YTHDF3: variants seen among roughly 807,000 people sequenced by gnomAD.
The protein encoded by YTHDF3 is YTH domain-containing family protein 3.
In YTHDF3, 9 loss-of-function variants were observed where a neutral mutation model predicts 52.5. That is an observed-to-expected ratio of 0.17 (90% confidence interval 0.10 to 0.30). YTHDF3 has a LOEUF of 0.30. Ranked by LOEUF, YTHDF3 falls within the 10% of genes least tolerant of loss-of-function variation. The pLI is 1.00. For synonymous variants in YTHDF3, 274 were observed against 243.3 expected, an observed-to-expected ratio of 1.13 and a Z score of -1.18; for missense variants, 534 against 715.0, an observed-to-expected ratio of 0.75 and a Z score of 2.89.
intron 3 of YTHDF3, chr8:63,175,698 A>G (rs1585741097): frequency 4.4e-6 from 1 of 229,054 alleles, no homozygotes; most frequent in African/African-American, 2.2e-5. Flanking sequence ...GTGTGTGTGT[A>G]TTGAAGGAAC....
At chr8:63,170,975 C>T (rs530272820) in intron 2 of YTHDF3, among the ~76,000 whole-genome samples, 51 of 152,174 alleles carry the variant, frequency 3.4e-4, no homozygotes, top group Non-Finnish European at 4.1e-4. Context: ...CTATAAACTG[C>T]ATAATACATC....
intron 4 of YTHDF3, chr8:63,189,188 C>A (rs1254585726): frequency 6.6e-6 from 1 of 152,066 alleles, no homozygotes; most frequent in Non-Finnish European, 1.5e-5. Context: ...ATTATATTGG[C>A]CAGAATATTT....
intron 2 of YTHDF3, among the ~76,000 whole-genome samples, chr8:63,173,206 A>ATATAGATATATATATATATATATATATC (rs1554533380): frequency 2.8e-5 from 4 of 145,390 alleles, no homozygotes; most frequent in African/African-American, 1.1e-4. Context: ...TTATATTTAT[A>ATATAGATATATATATATATATATATATC]TATATATACA....
rs1048559856 is a variant in YTHDF3 at position 63,188,340 on chromosome 8, A to T, written c.1734+595A>T. The stretch of plus-strand genomic sequence containing the variant: ...TTATTTATATTTTATATATTATTTA[A>T]TTTTTTTTCAGACAGGGTCTCTCTT... On this transcript the variant is annotated intron_variant, in intron 4 of 4. Transcript: ENST00000539294. 1.3e-4 allele frequency among the ~76,000 whole-genome samples: 19 copies of T among 150,946 alleles called. No homozygotes were observed. In the East Asian group the frequency reaches 3.1e-3, roughly 25 times the overall value.
At chr8:63,185,898 A>AT (rs1419568978) in intron 3 of YTHDF3, among the ~76,000 whole-genome samples, 1 of 152,200 alleles carries the variant, frequency 6.6e-6, no homozygotes. Flanking sequence ...AATACTCATT[A>AT]TACCCCCACT....
intron 4 of YTHDF3, 37 bp downstream of exon 4, chr8:63,187,782 AT>A: frequency 6.5e-7 from 1 of 1,536,980 alleles, no homozygotes; most frequent in South Asian, 1.3e-5. Flanking sequence ...GGGTCTTTGT[AT>A]TGCTGGTGGG....
At chr8:63,206,651 C>T (rs932810315) in intron 4 of YTHDF3, among the ~76,000 whole-genome samples, 1 of 152,108 alleles carries the variant, frequency 6.6e-6, no homozygotes, top group South Asian at 2.1e-4. Flanking sequence ...GGCATATTAG[C>T]ATGATTAACA....
At chr8:63,169,507 G>A in intron 2 of YTHDF3, 96 bp downstream of exon 2, 1 of 1,336,672 alleles carries the variant, frequency 7.5e-7, no homozygotes, top group Non-Finnish European at 1.0e-6. Context: ...GCTCCCTCTT[G>A]GGAAAAAATG....
Position 63,209,860 on chromosome 8 carries a change from C to T in YTHDF3, c.*154C>T. The T allele has an allele frequency of 1.4e-6, 1 of 697,726 alleles. No homozygotes were observed. The highest frequency in any genetic ancestry group is 2.3e-6 in the Non-Finnish European group (1 of 430,338). 43.2% of individuals were successfully genotyped at this position (697,726 alleles called of 1,614,324 possible). ...AGTTGACTCTTCTCGTAATGGTTTT[C>T]ATCAGCGCATCTGCCCTTATACTCT... On this transcript the variant is annotated 3_prime_UTR_variant, in exon 5 of 5. Transcript: ENST00000539294.
Position 63,208,573 on chromosome 8 carries a change from G to A in YTHDF3, c.1735-1110G>A, listed in dbSNP as rs1432204401. Among the ~76,000 whole-genome samples, 5 of 152,268 alleles carry A rather than the reference G, an allele frequency of 3.3e-5. No individual in the cohort carries two copies. In the East Asian group the frequency reaches 9.7e-4, roughly 29 times the overall value. ...CGTCAGACCTCTGGGGCCCAGACAT[G>A]CCATCCAGGTAGGTGACTCTGATAC... On this transcript the variant is annotated intron_variant, in intron 4 of 4. Transcript: ENST00000539294.
At chr8:63,192,166 G>A (rs1435609361) in intron 4 of YTHDF3, among the ~76,000 whole-genome samples, 4 of 152,068 alleles carry the variant, frequency 2.6e-5, no homozygotes, top group Admixed American at 6.6e-5. Flanking sequence ...CCATGCCTAA[G>A]CCCTGACAGC....
chr8:63,196,382 T>C (rs1809240159), intron 4 of YTHDF3, among the ~76,000 whole-genome samples: 1 of 151,386 alleles, frequency 6.6e-6, no homozygotes, highest in Non-Finnish European at 1.5e-5. Flanking sequence ...GCCAACATGG[T>C]GAAACGCTGT....
At position 63,211,588 on chromosome 8, in the gene YTHDF3, C is replaced by A. The variant is rs560550722; in HGVS notation, c.*1882C>A. On this transcript the variant is annotated 3_prime_UTR_variant, in exon 5 of 5. Transcript: ENST00000539294. Reference sequence around the variant, plus strand: ...ACCTTGTAGGAAGGATCTGAGTCCTCCCCCTGAGGTTCTCTTTTTCTTGGT... The same window carrying A: ...ACCTTGTAGGAAGGATCTGAGTCCTACCCCTGAGGTTCTCTTTTTCTTGGT... 6.6e-6 allele frequency: 1 copy of A among 152,476 alleles called. No homozygotes were observed. Among genetic ancestry groups the A allele is most frequent in the Non-Finnish European group, 1.5e-5 (1 of 67,964 alleles). 9.4% of individuals were successfully genotyped at this position (152,476 alleles called of 1,614,324 possible). A position where few individuals can be genotyped will look rare whatever the true frequency, so the allele number is the denominator to read the frequency against.
chr8:63,188,701 A>ATATATATATATATATAT (rs1355614739), intron 4 of YTHDF3: 15 of 61,424 alleles, frequency 2.4e-4, no homozygotes, highest in Admixed American at 1.6e-3. Context: ...ATATATATAT[A>ATATATATATATATATAT]TTTTTTTTTT....
At chr8:63,190,581 A>G (rs1359701389) in intron 4 of YTHDF3, among the ~76,000 whole-genome samples, 1 of 152,218 alleles carries the variant, frequency 6.6e-6, no homozygotes, top group Non-Finnish European at 1.5e-5. Context: ...GCGAACTATA[A>G]CAAGTGGAGG....
chr8:63,178,391 T>C (rs553545964), intron 3 of YTHDF3, among the ~76,000 whole-genome samples: 3 of 152,318 alleles, frequency 2.0e-5, no homozygotes, highest in East Asian at 3.9e-4. Context: ...AAAAAATAGT[T>C]TTAAAAAGTG....
Position 63,168,685 on chromosome 8 carries a change from C to A in YTHDF3, c.-193C>A, listed in dbSNP as rs969666088. ...CAGAGAGCGAGAGGGGGAAGAGGAG[C>A]GTGCAAGCGGAAAAGACGGGCCTCT... On this transcript the variant is annotated 5_prime_UTR_variant, in exon 1 of 5. Coordinates refer to ENST00000539294, the MANE Select transcript of YTHDF3 (RefSeq NM_152758.6). 20 of 990,794 alleles carry A rather than the reference C, an allele frequency of 2.0e-5. No individual in the cohort carries two copies. The African/African-American group carries it at 3.1e-4, about 15-fold the overall frequency. 61.4% of individuals were successfully genotyped at this position (990,794 alleles called of 1,614,324 possible).
chr8:63,209,445 A>T (rs1394917812), intron 4 of YTHDF3, among the ~76,000 whole-genome samples: 3 of 152,172 alleles, frequency 2.0e-5, no homozygotes, highest in East Asian at 3.9e-4. Flanking sequence ...TGTGGAGAGG[A>T]TCTATACTCT....
chr8:63,180,701 C>A (rs1284971452), intron 3 of YTHDF3, among the ~76,000 whole-genome samples: 1 of 152,256 alleles, frequency 6.6e-6, no homozygotes, highest in Non-Finnish European at 1.5e-5. Context: ...ACTGAGTGAA[C>A]CAGACTCCGT....
Sources: gnomAD v4.1 joint callset for allele counts (sites outside exome capture counted in the v4.1 genomes callset) on GRCh38, gnomAD v4.1.1 for gene constraint, MANE v1.5 for transcripts, NCBI Gene and HGNC (gene_info 2026-07-23, HGNC 2026-07-21) for gene names.